HTR1A: variants seen among roughly 807,000 people sequenced by gnomAD.
HTR1A encodes 5-hydroxytryptamine receptor 1A, also known as 5-HT1a receptor.
HTR1A carries 17 observed loss-of-function variants against 24.6 expected under a neutral mutation model. The ratio of observed to expected loss-of-function variants is 0.69; its 90% CI spans 0.47 to 1.04. HTR1A has a LOEUF of 1.04. Among genes scored for constraint, HTR1A ranks in the 50% least tolerant of loss-of-function variants. The pLI is 0.00. For synonymous variants in HTR1A, 262 were observed against 244.6 expected (o/e 1.07, Z -0.67); for missense variants, 515 against 565.1 (o/e 0.91, Z 0.90).
chr5:63,961,419 T>G lies in HTR1A; in HGVS notation c.301A>C (p.Lys101Gln). The G allele has an allele frequency of 1.2e-6, 2 of 1,613,932 alleles. No homozygotes were observed. The highest frequency in any genetic ancestry group is 1.7e-6 in the Non-Finnish European group (2 of 1,179,908). ...PMAALYQVLNKWTLGQVTCDL... is the reference protein window; with the variant it reads ...PMAALYQVLNQWTLGQVTCDL... ...CAGGTTACCTGGCCCAGTGTCCACT[T>G]GTTGAGCACCTGATACAGCGCGGCC... The change falls in exon 1 of 1, where the codon AAG (lysine) becomes CAG (glutamine). Residue 101 changes from lysine (K) to glutamine (Q), a missense_variant. Coordinates refer to ENST00000323865, the MANE Select transcript of HTR1A (RefSeq NM_000524.4).
Position 63,961,024 on chromosome 5 carries a change from C to A in HTR1A, c.696G>T (p.Lys232Asn), listed in dbSNP as rs777864947. The A allele has an allele frequency of 6.2e-7, 1 of 1,614,118 alleles. No homozygotes were observed. The highest frequency in any genetic ancestry group is 8.5e-7 in the Non-Finnish European group (1 of 1,180,058). The change falls in exon 1 of 1, where the codon AAG becomes AAT. Residue 232 changes from lysine to asparagine, a missense_variant. By Grantham distance (94) the Lys-to-Asn change is moderately conservative. Around this residue, in one of 3 missense-constraint regions of HTR1A, gnomAD observed 381 missense variants for 384.5 expected, o/e 0.99. Coordinates refer to ENST00000323865, the MANE Select transcript of HTR1A (RefSeq NM_000524.4). ...ARFRIRKTVKKVEKTGADTRH... is the reference protein window; with the variant it reads ...ARFRIRKTVKNVEKTGADTRH... ...GGGTGTCCGCTCCGGTCTTCTCCAC[C>A]TTTTTGACCGTCTTGCGGATGCGGA...
At position 63,961,688 on chromosome 5, in the gene HTR1A, T is replaced by C. The variant is rs201654331; in HGVS notation, c.32A>G (p.Asn11Ser). MDVLSPGQGN[N>S]TTSPPAPFET... is the part of the protein sequence containing the mutation. ...AAAGGGAGCCGGTGGTGATGTGGTG[T>C]TGTTGCCCTGACCAGGGCTGAGCAC... Residue 11 changes from asparagine (N) to serine (S), a missense_variant, in exon 1 of 1, where the codon AAC (asparagine) becomes AGC (serine). Transcript: ENST00000323865. 1.2e-6 allele frequency: 2 copies of C among 1,613,652 alleles called. No individual in the cohort carries two copies. The highest frequency in any genetic ancestry group is 2.2e-5 in the South Asian group (2 of 91,082).
In HTR1A at chr5:63,960,710, A is replaced by T. The variant is rs1306968077; in HGVS notation, c.1010T>A (p.Leu337Gln). The part of the protein sequence containing the change: ...RNAEAKRKMA[L>Q]ARERKTVKTL... Reference sequence around the variant, plus strand: ...CTTCACTGTCTTCCTCTCTCGGGCCAGGGCCATCTTGCGCTTCGCCTCGGC... The same window carrying T: ...CTTCACTGTCTTCCTCTCTCGGGCCTGGGCCATCTTGCGCTTCGCCTCGGC... Residue 337 changes from leucine (L) to glutamine (Q), a missense_variant, in exon 1 of 1, where the codon CTG becomes CAG. Leu to Gln is a moderately radical substitution (Grantham distance 113). Around this residue, in one of 3 missense-constraint regions of HTR1A, gnomAD observed 381 missense variants for 384.5 expected, o/e 0.99. Transcript: ENST00000323865. 1.9e-6 allele frequency: 3 copies of T among 1,614,236 alleles called. No individual in the cohort carries two copies. Among genetic ancestry groups the T allele is most frequent in the Admixed American group, 1.7e-5 (1 of 60,034 alleles).
rs1310200245 is a variant in HTR1A at position 63,960,388 on chromosome 5, TGGG to T, written c.*60_*62del. The T allele has an allele frequency of 1.3e-6, 2 of 1,499,270 alleles. No homozygotes were observed. The highest frequency in any genetic ancestry group is 2.8e-5 in the African/African-American group (2 of 72,646). 92.9% of individuals were successfully genotyped at this position (1,499,270 alleles called of 1,614,324 possible). On this transcript the variant is annotated 3_prime_UTR_variant, in exon 1 of 1. Transcript: ENST00000323865. ...ATCTTAAGTGTTGATTCCCTAGGGT[TGGG>T]GGAAGCATAGTGAATGGGACGGATC...
Position 63,961,867 on chromosome 5 carries a change from C to T in HTR1A, c.-148G>A, listed in dbSNP as rs1234633892. 2.6e-6 allele frequency: 2 copies of T among 771,750 alleles called. No homozygotes were observed. Among genetic ancestry groups the T allele is most frequent in the South Asian group, 3.1e-5 (2 of 63,496 alleles). 47.8% of individuals were successfully genotyped at this position (771,750 alleles called of 1,614,324 possible). On this transcript the variant is annotated 5_prime_UTR_variant, in exon 1 of 1. Coordinates refer to ENST00000323865, the MANE Select transcript of HTR1A (RefSeq NM_000524.4). ...CCCAAGCAGGAAGTTCTTACTGCTTCGGCGAAGGGTATCTCCGAGGAGCAG... is the reference window on the plus strand; with the variant it reads ...CCCAAGCAGGAAGTTCTTACTGCTTTGGCGAAGGGTATCTCCGAGGAGCAG...
rs1376075077 is a variant in HTR1A at position 63,960,711 on chromosome 5, G to A, written c.1009C>T (p.Leu337=). The change falls in exon 1 of 1, where the codon CTG becomes TTG. Residue 337 remains leucine (L), a synonymous_variant. Transcript: ENST00000323865. The part of the protein sequence containing the change: ...RNAEAKRKMA[L]ARERKTVKTL... Reference sequence around the variant, plus strand: ...TTCACTGTCTTCCTCTCTCGGGCCAGGGCCATCTTGCGCTTCGCCTCGGCG... The same window carrying A: ...TTCACTGTCTTCCTCTCTCGGGCCAAGGCCATCTTGCGCTTCGCCTCGGCG... 1 of 1,614,258 alleles carries A rather than the reference G, an allele frequency of 6.2e-7. No homozygotes were observed. The highest frequency in any genetic ancestry group is 1.1e-5 in the South Asian group (1 of 91,090).
Position 63,960,836 on chromosome 5 carries a change from A to G in HTR1A, c.884T>C (p.Val295Ala), listed in dbSNP as rs1746415658. ...DDGAALEVIEVHRVGNSKEHL... is the reference protein window; with the variant it reads ...DDGAALEVIEAHRVGNSKEHL... ...CTCTTTGGAGTTGCCCACTCGGTGC[A>G]CCTCGATCACCTCCAGGGCGGCGCC... Residue 295 changes from valine to alanine, a missense_variant, in exon 1 of 1, where the codon GTG (valine) becomes GCG (alanine). By Grantham distance (64) the Val-to-Ala change is moderately conservative. Transcript: ENST00000323865. The G allele has an allele frequency of 6.2e-7, 1 of 1,613,972 alleles. No individual in the cohort carries two copies. Among genetic ancestry groups the G allele is most frequent in the African/African-American group, 1.3e-5 (1 of 74,938 alleles).
chr5:63,961,417 C>T lies in HTR1A; in HGVS notation c.303G>A (p.Lys101=), dbSNP rs1413269601. Residue 101 remains lysine, a synonymous_variant, in exon 1 of 1, where the codon AAG becomes AAA. Transcript: ENST00000323865. ...CGCAGGTTACCTGGCCCAGTGTCCA[C>T]TTGTTGAGCACCTGATACAGCGCGG... ...PMAALYQVLN[K]WTLGQVTCDL... 1.9e-6 allele frequency: 3 copies of T among 1,613,938 alleles called. No homozygotes were observed. Among genetic ancestry groups the T allele is most frequent in the South Asian group, 1.1e-5 (1 of 91,068 alleles).
Position 63,958,579 on chromosome 5 carries a change from T to A in HTR1A, c.*1872A>T, listed in dbSNP as rs1356481327. On this transcript the variant is annotated 3_prime_UTR_variant, in exon 1 of 1. Coordinates refer to ENST00000323865, the MANE Select transcript of HTR1A (RefSeq NM_000524.4). Reference sequence around the variant, plus strand: ...GAAGAGAGAAAAGAGTAGGGATCAATTACTTTGTGAATTTTCTGGAAAACA... The same window carrying A: ...GAAGAGAGAAAAGAGTAGGGATCAAATACTTTGTGAATTTTCTGGAAAACA... Among the ~76,000 whole-genome samples the A allele has an allele frequency of 1.3e-5, 2 of 152,210 alleles. No individual in the cohort carries two copies. The highest frequency in any genetic ancestry group is 1.9e-4 in the East Asian group (1 of 5,200).
Position 63,960,834 on chromosome 5 carries a change from G to T in HTR1A, c.886C>A (p.His296Asn). The T allele has an allele frequency of 1.9e-6, 3 of 1,614,164 alleles. No homozygotes were observed. Among genetic ancestry groups the T allele is most frequent in the Non-Finnish European group, 2.5e-6 (3 of 1,180,014 alleles). ...DGAALEVIEVHRVGNSKEHLP... is the reference protein window; with the variant it reads ...DGAALEVIEVNRVGNSKEHLP... The stretch of plus-strand genomic sequence containing the variant: ...TGCTCTTTGGAGTTGCCCACTCGGT[G>T]CACCTCGATCACCTCCAGGGCGGCG... Residue 296 changes from histidine (H) to asparagine (N), a missense_variant, in exon 1 of 1, where the codon CAC becomes AAC. This residue lies in a region of HTR1A where 381 missense variants were observed against 384.5 expected (regional missense o/e 0.99). Transcript: ENST00000323865.
Position 63,960,413 on chromosome 5 carries a change from G to A in HTR1A, c.*38C>T. The A allele has an allele frequency of 6.2e-7, 1 of 1,600,606 alleles. No individual in the cohort carries two copies. Among genetic ancestry groups the A allele is most frequent in the African/African-American group, 1.3e-5 (1 of 74,800 alleles). On this transcript the variant is annotated 3_prime_UTR_variant, in exon 1 of 1. Transcript: ENST00000323865. ...TGGGGGAAGCATAGTGAATGGGACGGATCCTGTAGCCTCGACTGGCCGGCT... is the reference window on the plus strand; with the variant it reads ...TGGGGGAAGCATAGTGAATGGGACGAATCCTGTAGCCTCGACTGGCCGGCT...
Position 63,960,379 on chromosome 5 carries a change from C to G in HTR1A, c.*72G>C, listed in dbSNP as rs1037831337. Reference sequence around the variant, plus strand: ...TGGCGAATTATCTTAAGTGTTGATTCCCTAGGGTTGGGGGAAGCATAGTGA... The same window carrying G: ...TGGCGAATTATCTTAAGTGTTGATTGCCTAGGGTTGGGGGAAGCATAGTGA... On this transcript the variant is annotated 3_prime_UTR_variant, in exon 1 of 1. Coordinates refer to ENST00000323865, the MANE Select transcript of HTR1A (RefSeq NM_000524.4). The G allele has an allele frequency of 7.5e-6, 11 of 1,461,372 alleles. No individual in the cohort carries two copies. The African/African-American group carries it at 1.5e-4, about 20-fold the overall frequency. The allele number at this position is 1,461,372 out of a possible 1,614,324, so 90.5% of individuals were successfully genotyped here.
At position 63,962,226 on chromosome 5, in the gene HTR1A, C is replaced by T. The variant is rs1259762430; in HGVS notation, c.-507G>A. 1 of 195,316 alleles carries T rather than the reference C, an allele frequency of 5.1e-6. No homozygotes were observed. Among genetic ancestry groups the T allele is most frequent in the African/African-American group, 2.4e-5 (1 of 42,174 alleles). The allele number at this position is 195,316 out of a possible 1,614,324, so 12.1% of individuals were successfully genotyped here. A position where few individuals can be genotyped will look rare whatever the true frequency, so the allele number is the denominator to read the frequency against. ...CTCTCTCTTCTGCCTCTTTCGTCCC[C>T]CTTCTCCCCACCTGCCTTCCCTTTC... On this transcript the variant is annotated 5_prime_UTR_variant, in exon 1 of 1. Transcript: ENST00000323865.
In HTR1A at chr5:63,958,694, G is replaced by A. The variant is rs1482241130; in HGVS notation, c.*1757C>T. On this transcript the variant is annotated 3_prime_UTR_variant, in exon 1 of 1. Coordinates refer to ENST00000323865, the MANE Select transcript of HTR1A (RefSeq NM_000524.4). ...ATGTAGTTGGAAATTTACATCCAGA[G>A]TACCTAAATAACTTCCCTTTCTGGG... Among the ~76,000 whole-genome samples, 1 of 152,168 alleles carries A rather than the reference G, an allele frequency of 6.6e-6. No individual in the cohort carries two copies. The highest frequency in any genetic ancestry group is 1.5e-5 in the Non-Finnish European group (1 of 68,028).
rs1412705381 is a variant in HTR1A, at chr5:63,959,203, C to G, written c.*1248G>C. Among the ~76,000 whole-genome samples, 1 of 152,232 alleles carries G rather than the reference C, an allele frequency of 6.6e-6. No individual in the cohort carries two copies. Among genetic ancestry groups the G allele is most frequent in the Non-Finnish European group, 1.5e-5 (1 of 68,038 alleles). ...TTTCAGGTTTTACTGGGGGAGCCAG[C>G]TGGAGCCTTGGGCACGCGCGCCCTG... is the stretch of plus-strand genomic sequence containing the variant. On this transcript the variant is annotated 3_prime_UTR_variant, in exon 1 of 1. Transcript: ENST00000323865.
Position 63,961,846 on chromosome 5 carries a change from A to T in HTR1A, c.-127T>A. On this transcript the variant is annotated 5_prime_UTR_variant, in exon 1 of 1. In the 5' UTR this introduces an upstream ATG that the reference lacks. Coordinates refer to ENST00000323865, the MANE Select transcript of HTR1A (RefSeq NM_000524.4). ...CGGAGGAAGGGAATGCAGAGACCCA[A>T]GCAGGAAGTTCTTACTGCTTCGGCG... is the stretch of plus-strand genomic sequence containing the variant. 1.0e-6 allele frequency: 1 copy of T among 960,328 alleles called. No homozygotes were observed. The highest frequency in any genetic ancestry group is 1.6e-6 in the Non-Finnish European group (1 of 611,890). The allele number at this position is 960,328 out of a possible 1,614,324, so 59.5% of individuals were successfully genotyped here.
Position 63,959,029 on chromosome 5 carries a change from C to T in HTR1A, c.*1422G>A, listed in dbSNP as rs1213635846. ...AAGCCCAGAATTCCTATTTGGAAAA[C>T]AAAGTTCTGCTAACTTTGTGTCTTG... On this transcript the variant is annotated 3_prime_UTR_variant, in exon 1 of 1. Coordinates refer to ENST00000323865, the MANE Select transcript of HTR1A (RefSeq NM_000524.4). Among the ~76,000 whole-genome samples the T allele has an allele frequency of 1.3e-5, 2 of 152,206 alleles. No individual in the cohort carries two copies. The highest frequency in any genetic ancestry group is 1.5e-5 in the Non-Finnish European group (1 of 68,032).
In HTR1A at chr5:63,962,410, C is replaced by T. The variant is rs1333749531; in HGVS notation, c.-691G>A. 2 of 157,424 alleles carry T rather than the reference C, an allele frequency of 1.3e-5. No homozygotes were observed. The highest frequency in any genetic ancestry group is 2.8e-5 in the Non-Finnish European group (2 of 71,238). 9.8% of individuals were successfully genotyped at this position (157,424 alleles called of 1,614,324 possible). A position where few individuals can be genotyped will look rare whatever the true frequency, so the allele number is the denominator to read the frequency against. On this transcript the variant is annotated 5_prime_UTR_variant, in exon 1 of 1. Coordinates refer to ENST00000323865, the MANE Select transcript of HTR1A (RefSeq NM_000524.4). ...GGTCCCCGCCCTCCTCTCCCTCTAGCTCAGCGTCTTTGCATTCGAGTCTCT... is the reference window on the plus strand; with the variant it reads ...GGTCCCCGCCCTCCTCTCCCTCTAGTTCAGCGTCTTTGCATTCGAGTCTCT...
rs1449705739 is a variant in HTR1A at position 63,959,523 on chromosome 5, A to G, written c.*928T>C. On this transcript the variant is annotated 3_prime_UTR_variant, in exon 1 of 1. Transcript: ENST00000323865. Reference sequence around the variant, plus strand: ...CGGCCGGCTGGCGCCTCCCGCAGTAAGTAAGTGGCGATGTCAGGTCGTACA... The same window carrying G: ...CGGCCGGCTGGCGCCTCCCGCAGTAGGTAAGTGGCGATGTCAGGTCGTACA... 6.6e-6 allele frequency among the ~76,000 whole-genome samples: 1 copy of G among 152,250 alleles called. No homozygotes were observed. Among genetic ancestry groups the G allele is most frequent in the African/African-American group, 2.4e-5 (1 of 41,478 alleles).
Sources: allele counts gnomAD v4.1 joint callset (sites outside exome capture counted in the v4.1 genomes callset), GRCh38; gene constraint gnomAD v4.1.1; regional missense constraint gnomAD v4.1.1; transcripts MANE v1.5; gene names NCBI Gene and HGNC (gene_info 2026-07-23, HGNC 2026-07-21).